The following EPS15 variants were observed in gnomAD, a reference collection of about 807,000 sequenced individuals.
EPS15 encodes epidermal growth factor receptor substrate 15.
EPS15 carries 72 observed loss-of-function variants against 113.8 expected under a neutral mutation model. The ratio of observed to expected loss-of-function variants is 0.63; its 90% CI spans 0.52 to 0.77. EPS15 has a LOEUF of 0.77. EPS15 is among the 30% of genes least tolerant of loss of function. EPS15 has a pLI of 0.00. For missense variants in EPS15, 1,048 were observed against 1,045.8 expected (o/e 1.00, Z -0.03); for synonymous variants, 344 against 363.4 (o/e 0.95, Z 0.61).
chr1:51,381,429 C>T (rs1320241977), intron 21 of EPS15, among the ~76,000 whole-genome samples: 1 of 152,014 alleles, frequency 6.6e-6, no homozygotes, highest in Non-Finnish European at 1.5e-5. Context: ...CCCGTCTCTA[C>T]TAAAAATACA....
chr1:51,436,894 T>G (rs72696121), intron 12 of EPS15, among the ~76,000 whole-genome samples: 2,933 of 152,234 alleles, frequency 0.019, 47 homozygotes, highest in Non-Finnish European at 0.031. Context: ...TCCTACTAGA[T>G]GTTCAGATGA....
chr1:51,374,325 G>GT (rs1248317670), intron 21 of EPS15, among the ~76,000 whole-genome samples: 1 of 152,170 alleles, frequency 6.6e-6, no homozygotes, highest in Non-Finnish European at 1.5e-5. Context: ...CATGTAGAAA[G>GT]TAAGTATCCT....
intron 8 of EPS15, among the ~76,000 whole-genome samples, chr1:51,455,472 C>A (rs1228226855): frequency 6.6e-6 from 1 of 152,032 alleles, no homozygotes. Context: ...CACCTGTAAT[C>A]CCAGCTACTC....
At chr1:51,498,870 C>A (rs1401634410) in intron 1 of EPS15, among the ~76,000 whole-genome samples, 1 of 152,158 alleles carries the variant, frequency 6.6e-6, no homozygotes, top group Non-Finnish European at 1.5e-5. Context: ...ATCTCCAATG[C>A]AATAGTATTA....
At chr1:51,380,656 A>G (rs923920170) in intron 21 of EPS15, among the ~76,000 whole-genome samples, 7 of 152,224 alleles carry the variant, frequency 4.6e-5, no homozygotes, top group Non-Finnish European at 8.8e-5. Flanking sequence ...TAGGACATAC[A>G]GAAACAAACA....
intron 13 of EPS15, among the ~76,000 whole-genome samples, chr1:51,419,983 G>C (rs1650595047): frequency 6.6e-6 from 1 of 152,002 alleles, no homozygotes; most frequent in African/African-American, 2.4e-5. Flanking sequence ...AATAAATAAT[G>C]AATCTACTAA....
chr1:51,492,409 T>G (rs1259314424), intron 1 of EPS15, among the ~76,000 whole-genome samples: 1 of 152,024 alleles, frequency 6.6e-6, no homozygotes, highest in Non-Finnish European at 1.5e-5. Context: ...AAAATCCAGA[T>G]AAAAAAATAT....
intron 20 of EPS15, 62 bp from the exon 21 acceptor site, chr1:51,394,509 A>C (rs1382692423): frequency 1.1e-6 from 1 of 911,316 alleles, no homozygotes; most frequent in Non-Finnish European, 1.7e-6. Context: ...AAACCTCATC[A>C]CCACTCCAAA....
chr1:51,417,055 C>T (rs1650286907), intron 13 of EPS15, among the ~76,000 whole-genome samples: 1 of 152,018 alleles, frequency 6.6e-6, no homozygotes, highest in South Asian at 2.1e-4. Context: ...ACCCCATTAA[C>T]AGACTGCCTT....
intron 13 of EPS15, among the ~76,000 whole-genome samples, chr1:51,413,296 A>G (rs1649911380): frequency 6.6e-6 from 1 of 152,190 alleles, no homozygotes; most frequent in Non-Finnish European, 1.5e-5. Context: ...TTTGTTCCTA[A>G]CCTCTACTGT....
chr1:51,509,179 T>C (rs1222138051), intron 1 of EPS15, among the ~76,000 whole-genome samples: 1 of 152,020 alleles, frequency 6.6e-6, no homozygotes, highest in Admixed American at 6.5e-5. Context: ...ACAGGAGGCA[T>C]CTAGTAAATG....
chr1:51,467,779 A>G lies in EPS15; in HGVS notation c.309+694T>C, dbSNP rs539449334. On this transcript the variant is annotated intron_variant, in intron 5 of 24. Transcript: ENST00000371733. ...TGCGCATGTGAGGGATCTAGGTTGC[A>G]TGCTACTTATAAGAATCTAATGCCT... Among the ~76,000 whole-genome samples the G allele has an allele frequency of 1.2e-3, 177 of 152,238 alleles. 1 individual carries two copies. The South Asian group carries it at 0.035, about 30-fold the overall frequency.
chr1:51,470,003 A>G (rs1042234802), intron 4 of EPS15, among the ~76,000 whole-genome samples: 35 of 152,244 alleles, frequency 2.3e-4, no homozygotes, highest in Admixed American at 6.5e-4. Flanking sequence ...CTTCTGTTGG[A>G]GTCAATGTCT....
intron 16 of EPS15, 56 bp from the exon 17 acceptor site, chr1:51,403,588 A>C (rs1248345811): frequency 3.1e-6 from 3 of 968,212 alleles, no homozygotes; most frequent in Non-Finnish European, 4.6e-6. Context: ...TGGCAGAGAA[A>C]ACTGACTAAA....
intron 4 of EPS15, among the ~76,000 whole-genome samples, chr1:51,468,953 C>T (rs1369730658): frequency 6.6e-6 from 1 of 151,912 alleles, no homozygotes; most frequent in Non-Finnish European, 1.5e-5. Context: ...CACGGAGAAA[C>T]CCCGTCTCTC....
chr1:51,378,993 G>A (rs1466017893), intron 21 of EPS15, among the ~76,000 whole-genome samples: 2 of 152,184 alleles, frequency 1.3e-5, no homozygotes, highest in Non-Finnish European at 2.9e-5. Flanking sequence ...CAAACTCCAC[G>A]TAGGATAAAC....
At chr1:51,441,924 G>A (rs1165823389) in intron 11 of EPS15, among the ~76,000 whole-genome samples, 1 of 152,026 alleles carries the variant, frequency 6.6e-6, no homozygotes, top group African/African-American at 2.4e-5. Context: ...GATAAAACAG[G>A]TACATCAATA....
intron 1 of EPS15, among the ~76,000 whole-genome samples, chr1:51,501,700 A>G (rs982709841): frequency 6.6e-6 from 1 of 151,944 alleles, no homozygotes; most frequent in Non-Finnish European, 1.5e-5. Context: ...GCTGCTCTCA[A>G]ACTCCTGATC....
At chr1:51,433,518 G>C (rs1207085426) in intron 12 of EPS15, among the ~76,000 whole-genome samples, 1 of 152,244 alleles carries the variant, frequency 6.6e-6, no homozygotes, top group African/African-American at 2.4e-5. Flanking sequence ...GAGTTGGCCT[G>C]TGCCATCACA....
Sources: gnomAD v4.1 joint callset for allele counts (sites outside exome capture counted in the v4.1 genomes callset) on GRCh38, gnomAD v4.1.1 for gene constraint, MANE v1.5 for transcripts, NCBI Gene and HGNC (gene_info 2026-07-23, HGNC 2026-07-21) for gene names.